MB21D2: variants seen among roughly 807,000 people sequenced by gnomAD.
The protein encoded by MB21D2 is nucleotidyltransferase MB21D2.
Under a neutral mutation model 33.3 loss-of-function variants are expected in MB21D2, and 9 were observed. That is an observed-to-expected ratio of 0.27 (90% CI 0.16 to 0.47). The LOEUF is 0.47. MB21D2 is among the 20% of genes least tolerant of loss of function. The pLI is 0.99. For synonymous variants in MB21D2, 241 were observed against 236.3 expected (o/e 1.02, Z -0.18); for missense variants, 540 against 624.6 (o/e 0.86, Z 1.44).
intron 1 of MB21D2, among the ~76,000 whole-genome samples, chr3:192,886,000 G>A (rs948712299): frequency 1.2e-4 from 18 of 151,736 alleles, no homozygotes; most frequent in Non-Finnish European, 1.9e-4. Flanking sequence ...TCACTCTGTC[G>A]CCCAGGCTGC....
chr3:192,858,926 G>A (rs542591698), intron 1 of MB21D2, among the ~76,000 whole-genome samples: 2 of 152,286 alleles, frequency 1.3e-5, no homozygotes, highest in East Asian at 1.9e-4. Flanking sequence ...TCCTGCACAC[G>A]GTGAGAATTT....
intron 1 of MB21D2, among the ~76,000 whole-genome samples, chr3:192,840,197 G>A (rs1434413599): frequency 1.3e-5 from 2 of 152,078 alleles, no homozygotes; most frequent in African/African-American, 4.8e-5. Flanking sequence ...ACAAAAATTC[G>A]AGGCGTTCAA....
At position 192,799,082 on chromosome 3, in the gene MB21D2, C is replaced by T. The variant is rs1720587364; in HGVS notation, c.780G>A (p.Gly260=). 6.2e-7 allele frequency: 1 copy of T among 1,614,128 alleles called. No individual in the cohort carries two copies. Among genetic ancestry groups the T allele is most frequent in the Non-Finnish European group, 8.5e-7 (1 of 1,180,004 alleles). The change falls in exon 2 of 2, where the codon GGG becomes GGA. Residue 260 remains glycine (G), a synonymous_variant. Transcript: ENST00000392452. The surrounding 1 kb of genome is among the most constrained non-coding windows in gnomAD (Gnocchi z 4.1). ...SWLMENHFWD[G]KITEEEVISG... Reference sequence around the variant, plus strand: ...TGATGACCTCTTCCTCAGTAATCTTCCCATCCCAAAAGTGGTTCTCCATGA... The same window carrying T: ...TGATGACCTCTTCCTCAGTAATCTTTCCATCCCAAAAGTGGTTCTCCATGA...
intron 1 of MB21D2, among the ~76,000 whole-genome samples, chr3:192,839,605 C>T (rs1427270345): frequency 6.6e-6 from 1 of 152,110 alleles, no homozygotes; most frequent in East Asian, 1.9e-4. Flanking sequence ...TCTACATATA[C>T]ATATATGTGT....
rs1355203523 is a variant in MB21D2 at position 192,808,962 on chromosome 3, A to C, written c.212-9312T>G. 3.3e-5 allele frequency among the ~76,000 whole-genome samples: 5 copies of C among 152,050 alleles called. 1 individual carries two copies. Among genetic ancestry groups the C allele is most frequent in the African/African-American group, 4.8e-5 (2 of 41,274 alleles). On this transcript the variant is annotated intron_variant, in intron 1 of 1. Coordinates refer to ENST00000392452, the MANE Select transcript of MB21D2 (RefSeq NM_178496.4). ...AGTTTATAGTACACATTTGAAGTAC[A>C]TACATCTCATGACAAGGACTCTCTG...
In MB21D2 at chr3:192,870,340, C is replaced by T. The variant is rs1049968988; in HGVS notation, c.211+47290G>A. Among the ~76,000 whole-genome samples, 88 of 152,106 alleles carry T rather than the reference C, an allele frequency of 5.8e-4. 1 individual carries two copies. Among genetic ancestry groups the T allele is most frequent in the Admixed American group, 5.6e-3 (85 of 15,266 alleles). On this transcript the variant is annotated intron_variant, in intron 1 of 1. Coordinates refer to ENST00000392452, the MANE Select transcript of MB21D2 (RefSeq NM_178496.4). ...TAAAGCCCAAGACTAGTGAGCACGA[C>T]GAGTGAGCACATTGGATCTGATGGG...
At position 192,908,609 on chromosome 3, in the gene MB21D2, G is replaced by A. The variant is rs1024878022; in HGVS notation, c.211+9021C>T. Reference sequence around the variant, plus strand: ...TTCGTATTTTTTTTTTAGTAGAGACGAGGTTTCACCGTGTTGGCCAGGATG... The same window carrying A: ...TTCGTATTTTTTTTTTAGTAGAGACAAGGTTTCACCGTGTTGGCCAGGATG... On this transcript the variant is annotated intron_variant, in intron 1 of 1. Coordinates refer to ENST00000392452, the MANE Select transcript of MB21D2 (RefSeq NM_178496.4). Among the ~76,000 whole-genome samples the A allele has an allele frequency of 2.6e-5, 4 of 151,400 alleles. No individual in the cohort carries two copies. In the East Asian group the frequency reaches 5.9e-4, roughly 22 times the overall value.
At chr3:192,876,633 T>C (rs1713433026) in intron 1 of MB21D2, among the ~76,000 whole-genome samples, 1 of 152,202 alleles carries the variant, frequency 6.6e-6, no homozygotes. Context: ...AGGCTGATGC[T>C]TTATGATCTA....
chr3:192,806,528 C>T (rs749129061), intron 1 of MB21D2, among the ~76,000 whole-genome samples: 5 of 152,178 alleles, frequency 3.3e-5, no homozygotes, highest in African/African-American at 4.8e-5. Context: ...CACGAAAAGG[C>T]GTCACAAATG....
intron 1 of MB21D2, among the ~76,000 whole-genome samples, chr3:192,873,796 G>A (rs1271488286): frequency 6.6e-5 from 10 of 152,066 alleles, no homozygotes; most frequent in Non-Finnish European, 1.0e-4. Flanking sequence ...TCTGCCTCTC[G>A]GGTTCAAGCA....
At chr3:192,886,882 A>T (rs1577196677) in intron 1 of MB21D2, among the ~76,000 whole-genome samples, 3 of 152,026 alleles carry the variant, frequency 2.0e-5, no homozygotes, top group African/African-American at 7.3e-5. Context: ...TTCCATTCTC[A>T]TCCATAAGTC....
intron 1 of MB21D2, among the ~76,000 whole-genome samples, chr3:192,814,684 A>T (rs1230092914): frequency 1.3e-5 from 2 of 150,842 alleles, no homozygotes; most frequent in African/African-American, 5.0e-5. Context: ...AACACGGTGA[A>T]ACCCTGTCTC....
At chr3:192,914,191 C>T (rs1280035111) in intron 1 of MB21D2, among the ~76,000 whole-genome samples, 9 of 152,142 alleles carry the variant, frequency 5.9e-5, no homozygotes, top group Non-Finnish European at 1.2e-4. Context: ...AGCTTTGTGA[C>T]CCTGGATATC....
At chr3:192,915,730 G>T (rs1180147511) in intron 1 of MB21D2, among the ~76,000 whole-genome samples, 1 of 152,154 alleles carries the variant, frequency 6.6e-6, no homozygotes, top group African/African-American at 2.4e-5. Context: ...TTGGATAAAA[G>T]CTTTGCTGAT....
chr3:192,814,682 G>GA (rs1711877831), intron 1 of MB21D2, among the ~76,000 whole-genome samples: 1 of 151,020 alleles, frequency 6.6e-6, no homozygotes, highest in Admixed American at 6.6e-5. Flanking sequence ...CTAACACGGT[G>GA]AAACCCTGTC....
At chr3:192,838,507 C>G (rs1319201302) in intron 1 of MB21D2, among the ~76,000 whole-genome samples, 1 of 150,660 alleles carries the variant, frequency 6.6e-6, no homozygotes, top group Non-Finnish European at 1.5e-5. Context: ...CGGCTCACTG[C>G]AAACTCCGCC....
intron 1 of MB21D2, among the ~76,000 whole-genome samples, chr3:192,807,386 A>C (rs963652401): frequency 4.6e-5 from 7 of 152,076 alleles, no homozygotes; most frequent in African/African-American, 1.7e-4. Flanking sequence ...AAACAGCTAC[A>C]TAAGGATACA....
intron 1 of MB21D2, among the ~76,000 whole-genome samples, chr3:192,907,066 T>C (rs559757024): frequency 6.6e-6 from 1 of 152,340 alleles, no homozygotes; most frequent in South Asian, 2.1e-4. Context: ...CTCTTTATCT[T>C]CTGTAGAGTG....
In MB21D2 at chr3:192,917,719, T is replaced by C. The variant is rs778896489; in HGVS notation, c.122A>G (p.Gln41Arg). ...CCGCTGGTCGTGCTTCGTAAATTCT[T>C]GGATGAGTTTGTTCAATTCCTCCAC... ...ARVEELNKLIQEFTKHDQREY... is the reference protein window; with the variant it reads ...ARVEELNKLIREFTKHDQREY... The change falls in exon 1 of 2, where the codon CAA becomes CGA. Residue 41 changes from glutamine (Q) to arginine (R), a missense_variant. Gln to Arg is a conservative substitution (Grantham distance 43). Transcript: ENST00000392452. The C allele has an allele frequency of 5.0e-6, 8 of 1,614,172 alleles. No individual in the cohort carries two copies. The highest frequency in any genetic ancestry group is 6.8e-6 in the Non-Finnish European group (8 of 1,180,042).
Sources: gnomAD v4.1 joint callset for allele counts (sites outside exome capture counted in the v4.1 genomes callset) on GRCh38, gnomAD v4.1.1 for gene constraint, Gnocchi (gnomAD v3.1) non-coding constraint, MANE v1.5 for transcripts, NCBI Gene and HGNC (gene_info 2026-07-23, HGNC 2026-07-21) for gene names.